HPSE2: variants seen among roughly 807,000 people sequenced by gnomAD.
HPSE2 encodes the protein heparanase 2 (inactive).
In HPSE2, 38 loss-of-function variants were observed where a neutral mutation model predicts 60.5. The observed-to-expected ratio is 0.63, with a 90% CI of 0.48 to 0.82. The LOEUF is 0.82. Ranked by LOEUF, HPSE2 falls within the 40% of genes least tolerant of loss-of-function variation. The probability of loss-of-function intolerance (pLI) is 0.00; values close to 1 mark genes in which losing one functional copy is unlikely to be tolerated. For missense variants in HPSE2, 713 were observed against 740.4 expected, an observed-to-expected ratio of 0.96 and a Z score of 0.43; for synonymous variants, 295 against 293.2, an observed-to-expected ratio of 1.01 and a Z score of -0.06.
intron 2 of HPSE2, among the ~76,000 whole-genome samples, chr10:99,164,337 T>C (rs1351048019): frequency 6.8e-6 from 1 of 146,512 alleles, no homozygotes; most frequent in East Asian, 2.0e-4. Flanking sequence ...TTGGACAAAC[T>C]GTTCCAGCTT....
At chr10:98,669,506 G>A (rs1947452398) in intron 6 of HPSE2, among the ~76,000 whole-genome samples, 1 of 152,192 alleles carries the variant, frequency 6.6e-6, no homozygotes, top group Non-Finnish European at 1.5e-5. Context: ...ATGGTGGACT[G>A]GATAAAGAAA....
chr10:98,881,723 A>C (rs1302196491), intron 3 of HPSE2, among the ~76,000 whole-genome samples: 1 of 152,118 alleles, frequency 6.6e-6, no homozygotes, highest in African/African-American at 2.4e-5. Context: ...GAACAATCAA[A>C]ATGGAGAAGA....
At chr10:98,574,299 T>G (rs962147733) in intron 9 of HPSE2, among the ~76,000 whole-genome samples, 1 of 151,960 alleles carries the variant, frequency 6.6e-6, no homozygotes. Context: ...ACATAGCACA[T>G]AAATATAAAA....
chr10:98,926,162 G>C (rs372246037), intron 3 of HPSE2, among the ~76,000 whole-genome samples: 16 of 152,188 alleles, frequency 1.1e-4, no homozygotes, highest in African/African-American at 3.6e-4. Flanking sequence ...CATGCTTTTT[G>C]TATGGCCATA....
intron 3 of HPSE2, among the ~76,000 whole-genome samples, chr10:98,881,166 G>A (rs1564630174): frequency 6.6e-6 from 1 of 152,068 alleles, no homozygotes; most frequent in Non-Finnish European, 1.5e-5. Context: ...AGCTGTGCAG[G>A]AAGAACATAG....
chr10:98,933,201 C>T (rs1954689995), intron 3 of HPSE2, among the ~76,000 whole-genome samples: 1 of 139,510 alleles, frequency 7.2e-6, no homozygotes, highest in Non-Finnish European at 1.5e-5. Flanking sequence ...TTCTTGATTT[C>T]TGCCTTAATT....
intron 6 of HPSE2, among the ~76,000 whole-genome samples, chr10:98,651,559 A>G (rs1177317641): frequency 6.6e-6 from 1 of 152,128 alleles, no homozygotes; most frequent in Non-Finnish European, 1.5e-5. Context: ...ACGGTACCCT[A>G]AAATATCGTA....
rs538131849 is a variant in HPSE2, at chr10:98,945,832, G to A, written c.610+198406C>T. Among the ~76,000 whole-genome samples, 3 of 152,232 alleles carry A rather than the reference G, an allele frequency of 2.0e-5. No homozygotes were observed. The Middle Eastern group carries it at 0.01, about 518-fold the overall frequency. On this transcript the variant is annotated intron_variant, in intron 3 of 11. Coordinates refer to ENST00000370552, the MANE Select transcript of HPSE2 (RefSeq NM_021828.5). ...AACAATTAGATAATTCTGATGTCTT[G>A]TTTAGCATTTACTGTTCACATTGCA...
intron 2 of HPSE2, among the ~76,000 whole-genome samples, chr10:99,204,306 T>A (rs1282295690): frequency 2.6e-5 from 4 of 152,208 alleles, no homozygotes; most frequent in Non-Finnish European, 4.4e-5. Flanking sequence ...ACCTGCTGAC[T>A]CAGGAACTAG....
intron 6 of HPSE2, among the ~76,000 whole-genome samples, chr10:98,692,986 A>T (rs887126776): frequency 2.0e-4 from 30 of 152,326 alleles, no homozygotes; most frequent in African/African-American, 7.2e-4. Context: ...ATTTTCTTTC[A>T]CATCTGTAAT....
In HPSE2 at chr10:98,739,955, T is replaced by G. The variant is rs1949455130; in HGVS notation, c.784+3928A>C. Among the ~76,000 whole-genome samples the G allele has an allele frequency of 2.0e-5, 3 of 152,030 alleles. No homozygotes were observed. In the South Asian group the frequency reaches 6.2e-4, roughly 32 times the overall value. Reference sequence around the variant, plus strand: ...CTAGAATTTATATACACTTCCAGAGTTTGAGTCCCAGCTTCAAAAATTTCT... The same window carrying G: ...CTAGAATTTATATACACTTCCAGAGGTTGAGTCCCAGCTTCAAAAATTTCT... On this transcript the variant is annotated intron_variant, in intron 4 of 11. Transcript: ENST00000370552.
In HPSE2 at chr10:98,909,533, G is replaced by A. The variant is rs867823283; in HGVS notation, c.611-165477C>T. 2.0e-5 allele frequency among the ~76,000 whole-genome samples: 3 copies of A among 151,616 alleles called. No individual in the cohort carries two copies. The South Asian group carries it at 6.2e-4, about 32-fold the overall frequency. On this transcript the variant is annotated intron_variant, in intron 3 of 11. Coordinates refer to ENST00000370552, the MANE Select transcript of HPSE2 (RefSeq NM_021828.5). ...TAATCCCAGCTACTCGGGAGGCTGA[G>A]GCAGAAGAATCGCTTGAACTCAGGA...
At chr10:99,124,569 G>A (rs938981660) in intron 3 of HPSE2, among the ~76,000 whole-genome samples, 9 of 152,204 alleles carry the variant, frequency 5.9e-5, no homozygotes, top group Admixed American at 1.3e-4. Flanking sequence ...TCCAGAGGGG[G>A]CCAAGGCAGC....
intron 11 of HPSE2, among the ~76,000 whole-genome samples, chr10:98,473,803 G>C (rs1940886253): frequency 1.3e-5 from 2 of 152,140 alleles, no homozygotes; most frequent in Admixed American, 1.3e-4. Context: ...ATACATGGAG[G>C]CTCTTTCCTA....
chr10:99,227,979 A>G (rs1276686097), intron 2 of HPSE2, among the ~76,000 whole-genome samples: 1 of 151,628 alleles, frequency 6.6e-6, no homozygotes, highest in East Asian at 1.9e-4. Flanking sequence ...AGTAAAAGCT[A>G]CAGCAGTCTA....
intron 5 of HPSE2, among the ~76,000 whole-genome samples, chr10:98,718,401 C>G (rs1248296757): frequency 6.6e-6 from 1 of 152,024 alleles, no homozygotes; most frequent in Non-Finnish European, 1.5e-5. Flanking sequence ...CTGTAACTAC[C>G]TCAATAAAAA....
intron 2 of HPSE2, among the ~76,000 whole-genome samples, chr10:99,167,752 T>A (rs1339656481): frequency 6.6e-6 from 1 of 152,178 alleles, no homozygotes; most frequent in Non-Finnish European, 1.5e-5. Context: ...CATATATTCA[T>A]ACACACACAA....
At chr10:99,280,651 A>T in the HPSE2 span, among the ~76,000 whole-genome samples, 2 of 152,184 alleles carry the variant, frequency 1.3e-5, no homozygotes, top group African/African-American at 4.8e-5. Context: ...TACCTTCCCT[A>T]CCTACTTTGC....
intron 3 of HPSE2, among the ~76,000 whole-genome samples, chr10:98,932,574 A>T (rs1377534543): frequency 7.2e-6 from 1 of 139,668 alleles, no homozygotes; most frequent in Non-Finnish European, 1.5e-5. Flanking sequence ...CTCTGGTAGA[A>T]TTCAGCTGTA....
Sources: gnomAD v4.1 joint callset for allele counts (sites outside exome capture counted in the v4.1 genomes callset) on GRCh38, gnomAD v4.1.1 for gene constraint, MANE v1.5 for transcripts, NCBI Gene and HGNC (gene_info 2026-07-23, HGNC 2026-07-21) for gene names.